ULBP3: variants seen among roughly 807,000 people sequenced by gnomAD.
The protein encoded by ULBP3 is UL16 binding protein 3, also known as UL16-binding protein 3.
In ULBP3, 25 loss-of-function variants were observed where a neutral mutation model predicts 24.9. The ratio of observed to expected loss-of-function variants is 1.00; its 90% CI spans 0.73 to 1.40. The LOEUF (loss-of-function observed/expected upper bound fraction) is 1.40, where lower values mean the gene tolerates loss of function less well. Ranked by LOEUF, ULBP3 falls within the 40% of genes most tolerant of loss-of-function variation. The pLI is 0.00. For synonymous variants in ULBP3, 114 were observed against 114.7 expected (o/e 0.99, Z 0.04); for missense variants, 306 against 307.5 (o/e 1.00, Z 0.04).
intron 1 of ULBP3, 34 bp downstream of exon 1, chr6:150,068,945 C>A: frequency 6.4e-7 from 1 of 1,565,170 alleles, no homozygotes; most frequent in Non-Finnish European, 8.7e-7. Flanking sequence ...CAGGTTTGGC[C>A]CCCGCCCCGC....
chr6:150,063,761 G>C (rs1448395419), intron 4 of ULBP3, among the ~76,000 whole-genome samples: 5 of 152,208 alleles, frequency 3.3e-5, no homozygotes, highest in Non-Finnish European at 5.9e-5. Context: ...TCCTCACCCT[G>C]GGAGCTGCAC....
In ULBP3 at chr6:150,069,034, C is replaced by T. The variant is rs544365780; in HGVS notation, c.33G>A (p.Pro11=). 4 of 1,612,546 alleles carry T rather than the reference C, an allele frequency of 2.5e-6. No homozygotes were observed. In the African/African-American group the frequency reaches 4.0e-5, roughly 16 times the overall value. The change falls in exon 1 of 5, where the codon CCG becomes CCA. Residue 11 remains proline (P), a synonymous_variant. Transcript: ENST00000367339. ...GCAGGTACGGAAGAATCGCGAGGCG[C>T]GGAAGGATCGCGGGGCTGGCGGCCG... MAAAASPAIL[P]RLAILPYLLF...
At chr6:150,068,679 G>C (rs1213131504) in intron 1 of ULBP3, among the ~76,000 whole-genome samples, 1 of 152,186 alleles carries the variant, frequency 6.6e-6, no homozygotes, top group African/African-American at 2.4e-5. Context: ...AGGACGAGTG[G>C]GGCTGCGGGG....
At position 150,061,395 on chromosome 6, in the gene ULBP3, G is replaced by A. The variant is rs369161827; in HGVS notation, c.*1979C>T. Among the ~76,000 whole-genome samples the A allele has an allele frequency of 1.1e-4, 17 of 152,318 alleles. No individual in the cohort carries two copies. The highest frequency in any genetic ancestry group is 3.6e-4 in the African/African-American group (15 of 41,568). On this transcript the variant is annotated 3_prime_UTR_variant, in exon 5 of 5. Coordinates refer to ENST00000367339, the MANE Select transcript of ULBP3 (RefSeq NM_024518.3). ...ACAGTAAGCATGGTACCCAACAGGT[G>A]GTTTTTCAGCCCAGGTGCCCCTCCT...
At chr6:150,066,252 G>A in intron 1 of ULBP3, 90 bp from the exon 2 acceptor site, 1 of 1,422,662 alleles carries the variant, frequency 7.0e-7, no homozygotes, top group Admixed American at 2.2e-5. Flanking sequence ...CTGAAGGGCT[G>A]GGCTGGCAGA....
At position 150,066,702 on chromosome 6, in the gene ULBP3, C is replaced by G. The variant is rs117876168; in HGVS notation, c.89-540G>C. Among the ~76,000 whole-genome samples the G allele has an allele frequency of 1.2e-4, 18 of 152,258 alleles. No individual in the cohort carries two copies. In the East Asian group the frequency reaches 3.5e-3, roughly 29 times the overall value. On this transcript the variant is annotated intron_variant, in intron 1 of 4. Transcript: ENST00000367339. The stretch of plus-strand genomic sequence containing the variant: ...AGGTTGTACAGGAAGGAACAAAATA[C>G]TAAGAGAAGTGCCCATGCCAGAGTG...
chr6:150,068,978 C>T lies in ULBP3; in HGVS notation c.88+1G>A, dbSNP rs1349927522. ...CGCTTAGGCTCCATCCCCGAACTCA[C>T]CGGCCCGCCCCGTCCCGGACCAGTC... On this transcript the variant is annotated splice_donor_variant, in intron 1 of 4. Transcript: ENST00000367339. LOFTEE classifies it high-confidence loss of function. 3.1e-6 allele frequency: 5 copies of T among 1,604,946 alleles called. No homozygotes were observed. The South Asian group carries it at 4.4e-5, about 14-fold the overall frequency.
In ULBP3 at chr6:150,062,565, T is replaced by G. The variant is rs1003996753; in HGVS notation, c.*809A>C. On this transcript the variant is annotated 3_prime_UTR_variant, in exon 5 of 5. Coordinates refer to ENST00000367339, the MANE Select transcript of ULBP3 (RefSeq NM_024518.3). ...ATGAGAAAATGTAAAAAAACTATAATGATAAAAAGGATTAATACAATTCTT... is the reference window on the plus strand; with the variant it reads ...ATGAGAAAATGTAAAAAAACTATAAGGATAAAAAGGATTAATACAATTCTT... Among the ~76,000 whole-genome samples, 2 of 152,138 alleles carry G rather than the reference T, an allele frequency of 1.3e-5. No individual in the cohort carries two copies. Among genetic ancestry groups the G allele is most frequent in the African/African-American group, 4.8e-5 (2 of 41,428 alleles).
chr6:150,068,158 G>A (rs1208513445), intron 1 of ULBP3, among the ~76,000 whole-genome samples: 1 of 152,096 alleles, frequency 6.6e-6, no homozygotes, highest in Non-Finnish European at 1.5e-5. Flanking sequence ...CCACCCTCAG[G>A]TCACACCTGA....
rs1409122095 is a variant in ULBP3, at chr6:150,068,984, C to T, written c.83G>A (p.Arg28Gln). The change falls in exon 1 of 5, where the codon CGG (arginine) becomes CAG (glutamine). Residue 28 changes from arginine to glutamine, a missense_variant. Physicochemically the swap from Arg to Gln is conservative, Grantham distance 43. Coordinates refer to ENST00000367339, the MANE Select transcript of ULBP3 (RefSeq NM_024518.3). ...GGCTCCATCCCCGAACTCACCGGCC[C>T]GCCCCGTCCCGGACCAGTCGAATAG... is the stretch of plus-strand genomic sequence containing the variant. Reference protein sequence around the residue: ...YLLFDWSGTGRADAHSLWYNF... With the variant: ...YLLFDWSGTGQADAHSLWYNF... The T allele has an allele frequency of 1.2e-6, 2 of 1,608,486 alleles. No homozygotes were observed. The highest frequency in any genetic ancestry group is 2.2e-5 in the South Asian group (2 of 90,410).
rs1490419599 is a variant in ULBP3, at chr6:150,067,400, A to G, written c.89-1238T>C. Among the ~76,000 whole-genome samples, 6 of 152,184 alleles carry G rather than the reference A, an allele frequency of 3.9e-5. 1 individual carries two copies. The highest frequency in any genetic ancestry group is 1.4e-4 in the African/African-American group (6 of 41,444). The stretch of plus-strand genomic sequence containing the variant: ...AAACAGCAAATACTCAGACACTCCT[A>G]GTGGACACAGTGTGTGATCCGAGCT... On this transcript the variant is annotated intron_variant, in intron 1 of 4. Coordinates refer to ENST00000367339, the MANE Select transcript of ULBP3 (RefSeq NM_024518.3).
chr6:150,065,998 T>G lies in ULBP3; in HGVS notation c.253A>C (p.Thr85Pro). Residue 85 changes from threonine (T) to proline (P), a missense_variant, in exon 2 of 5, where the codon ACA (threonine) becomes CCA (proline). Thr to Pro is a conservative substitution (Grantham distance 38, BLOSUM62 -1). Transcript: ENST00000367339. ...TCCAGTTGTTTTCCCCAGGCATCTG[T>G]GGCATACAGCTGCTCTTCTAGGTGA... ...MGHLEEQLYA[T>P]DAWGKQLEML... The G allele has an allele frequency of 6.2e-7, 1 of 1,614,190 alleles. No individual in the cohort carries two copies. Among genetic ancestry groups the G allele is most frequent in the Non-Finnish European group, 8.5e-7 (1 of 1,180,032 alleles).
Position 150,065,884 on chromosome 6 carries a change from G to T in ULBP3, c.352+15C>A. The T allele has an allele frequency of 1.9e-6, 3 of 1,611,228 alleles. No individual in the cohort carries two copies. The highest frequency in any genetic ancestry group is 1.7e-6 in the Non-Finnish European group (2 of 1,177,670). On this transcript the variant is annotated intron_variant, in intron 2 of 4. Coordinates refer to ENST00000367339, the MANE Select transcript of ULBP3 (RefSeq NM_024518.3). ...CACAGTCTGCTCCCTTCTGTCCTTG[G>T]TCTCTTTCACTCACCACTGGGTGTG...
chr6:150,064,457 C>T (rs1562519620), intron 4 of ULBP3, 128 bp downstream of exon 4: 3 of 819,070 alleles, frequency 3.7e-6, no homozygotes, highest in Non-Finnish European at 4.1e-6. Context: ...AGGTCTCATT[C>T]ACCTGTCTCA....
At chr6:150,063,750 C>T (rs1306137937) in intron 4 of ULBP3, among the ~76,000 whole-genome samples, 1 of 152,218 alleles carries the variant, frequency 6.6e-6, no homozygotes, top group Non-Finnish European at 1.5e-5. Context: ...CTCTCAGCCT[C>T]TCCTCACCCT....
In ULBP3 at chr6:150,061,247, T is replaced by G. The variant is rs1776271145; in HGVS notation, c.*2127A>C. 6.6e-6 allele frequency among the ~76,000 whole-genome samples: 1 copy of G among 152,232 alleles called. No individual in the cohort carries two copies. Among genetic ancestry groups the G allele is most frequent in the Non-Finnish European group, 1.5e-5 (1 of 68,052 alleles). ...TTTTTTGGAGGGCTCTATGTCATTT[T>G]ATTTTACTTACGAATCTTTAATTTT... On this transcript the variant is annotated 3_prime_UTR_variant, in exon 5 of 5. Coordinates refer to ENST00000367339, the MANE Select transcript of ULBP3 (RefSeq NM_024518.3).
At chr6:150,066,223 G>T in intron 1 of ULBP3, 61 bp from the exon 2 acceptor site, 1 of 1,547,614 alleles carries the variant, frequency 6.5e-7, no homozygotes, top group East Asian at 2.2e-5. Flanking sequence ...CCCAAACACT[G>T]TGACAGCAAG....
Position 150,064,670 on chromosome 6 carries a change from T to C in ULBP3, c.672A>G (p.Ile224Met), listed in dbSNP as rs1310483909. 3.7e-6 allele frequency: 6 copies of C among 1,614,024 alleles called. No homozygotes were observed. The highest frequency in any genetic ancestry group is 1.3e-5 in the African/African-American group (1 of 74,922). ...AGCTCCAGGGACTGAGGGTGGTGGCTATGGCTTTGGGTTGAGCTAAGCCTG... is the reference window on the plus strand; with the variant it reads ...AGCTCCAGGGACTGAGGGTGGTGGCCATGGCTTTGGGTTGAGCTAAGCCTG... Reference protein sequence around the residue: ...MAPGLAQPKAIATTLSPWSFL... With the variant: ...MAPGLAQPKAMATTLSPWSFL... The change falls in exon 4 of 5, where the codon ATA (isoleucine) becomes ATG (methionine). Residue 224 changes from isoleucine to methionine, a missense_variant. By Grantham distance (10) the Ile-to-Met change is conservative. Transcript: ENST00000367339.
intron 4 of ULBP3, among the ~76,000 whole-genome samples, chr6:150,063,853 C>A (rs925696594): frequency 2.6e-5 from 4 of 152,082 alleles, no homozygotes; most frequent in African/African-American, 2.4e-5. Flanking sequence ...CCTCTAGCAG[C>A]AGCTCAGCTG....
Sources: allele counts gnomAD v4.1 joint callset (sites outside exome capture counted in the v4.1 genomes callset), GRCh38; gene constraint gnomAD v4.1.1; transcripts MANE v1.5; gene names NCBI Gene and HGNC (gene_info 2026-07-23, HGNC 2026-07-21).